ZNF536: variants seen among roughly 807,000 people sequenced by gnomAD.
ZNF536 encodes zinc finger protein 536.
Under a neutral mutation model 84.5 loss-of-function variants are expected in ZNF536, and 13 were observed. The ratio of observed to expected loss-of-function variants is 0.15; its 90% CI spans 0.10 to 0.24. ZNF536 has a LOEUF of 0.24. Ranked by LOEUF, ZNF536 falls within the 10% of genes least tolerant of loss-of-function variation. The pLI is 1.00. For synonymous variants in ZNF536, 811 were observed against 742.5 expected, an observed-to-expected ratio of 1.09 and a Z score of -1.50; for missense variants, 1,536 against 1,747.5, an observed-to-expected ratio of 0.88 and a Z score of 2.16.
chr19:30,249,388 G>A (rs531687940), intron 1 of ZNF536, among the ~76,000 whole-genome samples: 1 of 151,874 alleles, frequency 6.6e-6, no homozygotes, highest in African/African-American at 2.4e-5. Context: ...GGGGGAGGAG[G>A]AGGAGGATAT....
intron 1 of ZNF536, among the ~76,000 whole-genome samples, chr19:30,567,009 C>A (rs188730994): frequency 1.9e-4 from 28 of 146,892 alleles, no homozygotes; most frequent in African/African-American, 5.8e-4. Context: ...GCGGTCCCCG[C>A]GTGTGGCCTC....
intron 1 of ZNF536, among the ~76,000 whole-genome samples, chr19:30,427,833 G>A (rs537235356): frequency 2.6e-5 from 4 of 152,250 alleles, no homozygotes; most frequent in African/African-American, 4.8e-5. Context: ...CCTCCTTCCC[G>A]GTTCCACCTT....
chr19:30,279,720 G>A (rs1052094207), intron 1 of ZNF536, among the ~76,000 whole-genome samples: 1 of 152,154 alleles, frequency 6.6e-6, no homozygotes, highest in Non-Finnish European at 1.5e-5. Context: ...CTTGGTAGAG[G>A]GGGTTCCGAG....
intron 1 of ZNF536, among the ~76,000 whole-genome samples, chr19:30,702,486 C>T (rs1007694341): frequency 6.6e-6 from 1 of 152,152 alleles, no homozygotes; most frequent in Admixed American, 6.5e-5. Flanking sequence ...TCTGGCCACA[C>T]CACCAGGGCT....
chr19:30,382,074 T>G (rs1170256895), intron 1 of ZNF536, among the ~76,000 whole-genome samples: 4 of 152,224 alleles, frequency 2.6e-5, no homozygotes, highest in Admixed American at 2.6e-4. Flanking sequence ...ATGACCTTCT[T>G]TGGCTCCCAT....
chr19:30,707,494 C>A (rs1452217075), intron 1 of ZNF536, among the ~76,000 whole-genome samples: 2 of 152,146 alleles, frequency 1.3e-5, no homozygotes, highest in African/African-American at 2.4e-5. Flanking sequence ...TCTTACCTGG[C>A]AATCATGGCA....
intron 1 of ZNF536, among the ~76,000 whole-genome samples, chr19:30,570,623 ACTATATACAAACGTTC>A (rs933841028): frequency 1.2e-4 from 18 of 152,234 alleles, no homozygotes; most frequent in Non-Finnish European, 2.5e-4. Context: ...GCCACTGAGA[ACTATATACAAACGTTC>A]CCATTGGACA....
intron 1 of ZNF536, among the ~76,000 whole-genome samples, chr19:30,597,006 A>G (rs1246440578): frequency 1.3e-5 from 2 of 152,066 alleles, no homozygotes; most frequent in African/African-American, 4.8e-5. Flanking sequence ...CCAGGTTCTG[A>G]GGCTTTCTGG....
intron 1 of ZNF536, among the ~76,000 whole-genome samples, chr19:30,682,864 A>G (rs1291459806): frequency 6.6e-6 from 1 of 152,198 alleles, no homozygotes; most frequent in Non-Finnish European, 1.5e-5. Context: ...TGCCATGAGA[A>G]GCTGGTGACC....
chr19:30,443,212 T>A (rs1183047024), intron 1 of ZNF536, among the ~76,000 whole-genome samples: 2 of 152,164 alleles, frequency 1.3e-5, no homozygotes, highest in South Asian at 4.1e-4. Flanking sequence ...CAGGTACAGG[T>A]GCGACAATGG....
intron 1 of ZNF536, among the ~76,000 whole-genome samples, chr19:30,388,010 T>C (rs1483365237): frequency 6.6e-6 from 1 of 152,164 alleles, no homozygotes; most frequent in African/African-American, 2.4e-5. Context: ...TTAGAGGTCT[T>C]CTTCCTGCTT....
chr19:30,457,060 A>C (rs1490164224), intron 2 of ZNF536, among the ~76,000 whole-genome samples: 32 of 151,946 alleles, frequency 2.1e-4, no homozygotes, highest in Non-Finnish European at 4.0e-4. Flanking sequence ...AAAAAAACAA[A>C]AAAAAAGATG....
chr19:30,322,935 A>G (rs911341437), intron 2 of ZNF536, among the ~76,000 whole-genome samples: 3 of 152,168 alleles, frequency 2.0e-5, no homozygotes, highest in Admixed American at 6.5e-5. Flanking sequence ...TCAAAGCATG[A>G]TAGTTCCTTA....
At chr19:30,646,935 C>T (rs913800691) in intron 1 of ZNF536, among the ~76,000 whole-genome samples, 1 of 152,098 alleles carries the variant, frequency 6.6e-6, no homozygotes, top group East Asian at 1.9e-4. Context: ...ATCCTAATCT[C>T]TTCATAGTAA....
rs375648549 is a variant in ZNF536, at chr19:30,548,702, C to A, written c.3083C>A (p.Ala1028Glu). The stretch of plus-strand genomic sequence containing the variant: ...CTCCAGGCCAACCACCTGGGCAAAG[C>A]GAAACGCAAAGATAACACCATCGGG... ...LHLQANHLGK[A>E]KRKDNTIGVT... Residue 1028 changes from alanine to glutamate, a missense_variant, in exon 4 of 5, where the codon GCG becomes GAG. By Grantham distance (107) the Ala-to-Glu change is moderately radical. Around this residue, in one of 8 missense-constraint regions of ZNF536, gnomAD observed 624 missense variants for 603.1 expected, o/e 1.03. Transcript: ENST00000355537. 6.2e-7 allele frequency: 1 copy of A among 1,613,968 alleles called. No individual in the cohort carries two copies. Among genetic ancestry groups the A allele is most frequent in the Non-Finnish European group, 8.5e-7 (1 of 1,180,034 alleles).
upstream of ZNF536, among the ~76,000 whole-genome samples, chr19:30,369,975 G>A (rs974550493): frequency 2.0e-5 from 3 of 152,136 alleles, no homozygotes; most frequent in Non-Finnish European, 4.4e-5. Flanking sequence ...ACAGTGGGGG[G>A]ATGGCCATCG....
intron 1 of ZNF536, among the ~76,000 whole-genome samples, chr19:30,265,814 C>T (rs1197290872): frequency 6.6e-6 from 1 of 152,148 alleles, no homozygotes; most frequent in East Asian, 1.9e-4. Flanking sequence ...TTCTTCAGAG[C>T]TCCTAGATTT....
At chr19:30,547,906 A>T (rs1393647003) in intron 3 of ZNF536, 37 bp from the exon 4 acceptor site, 2 of 1,511,984 alleles carry the variant, frequency 1.3e-6, no homozygotes, top group Non-Finnish European at 1.8e-6. Flanking sequence ...AAAATGAGAT[A>T]AACGCCTCTT....
At chr19:30,625,260 C>A (rs1156803603) in intron 1 of ZNF536, among the ~76,000 whole-genome samples, 2 of 152,120 alleles carry the variant, frequency 1.3e-5, no homozygotes, top group Non-Finnish European at 2.9e-5. Context: ...ACCTCACCCC[C>A]CAATCAGGGA....
Sources: gnomAD v4.1 joint callset for allele counts (sites outside exome capture counted in the v4.1 genomes callset) on GRCh38, gnomAD v4.1.1 for gene constraint, gnomAD v4.1.1 regional missense constraint, MANE v1.5 for transcripts, NCBI Gene and HGNC (gene_info 2026-07-23, HGNC 2026-07-21) for gene names.